SEMA6D: variants seen among roughly 807,000 people sequenced by gnomAD.
SEMA6D encodes semaphorin 6D, also known as semaphorin-6D.
In SEMA6D, 35 loss-of-function variants were observed where a neutral mutation model predicts 106.6. The ratio of observed to expected loss-of-function variants is 0.33; its 90% CI spans 0.25 to 0.44. SEMA6D has a LOEUF of 0.44. Ranked by LOEUF, SEMA6D falls within the 20% of genes least tolerant of loss-of-function variation. The pLI is 1.00. For missense variants in SEMA6D, 1,185 were observed against 1,345.9 expected (o/e 0.88, Z 1.87); for synonymous variants, 499 against 487.7 (o/e 1.02, Z -0.31).
At chr15:47,364,999 A>G (rs1365506326) in intron 1 of SEMA6D, among the ~76,000 whole-genome samples, 1 of 152,216 alleles carries the variant, frequency 6.6e-6, no homozygotes. Context: ...ATCAAGTACA[A>G]GCATCTGAGA....
At chr15:47,483,331 A>G (rs1201956424) in intron 3 of SEMA6D, among the ~76,000 whole-genome samples, 1 of 152,200 alleles carries the variant, frequency 6.6e-6, no homozygotes, top group Non-Finnish European at 1.5e-5. Context: ...AGACTGATCA[A>G]CTTGATTCAC....
At chr15:47,699,432 A>G (rs2078764835) in intron 4 of SEMA6D, among the ~76,000 whole-genome samples, 1 of 152,220 alleles carries the variant, frequency 6.6e-6, no homozygotes, top group African/African-American at 2.4e-5. Context: ...AACAGCTGTT[A>G]AGGAGTGAAG....
intron 1 of SEMA6D, among the ~76,000 whole-genome samples, chr15:47,263,366 T>C (rs550206968): frequency 6.6e-6 from 1 of 151,690 alleles, no homozygotes; most frequent in South Asian, 2.1e-4. Context: ...AAAAACACAA[T>C]CCCATAAATA....
chr15:47,436,444 G>T (rs2041705365), intron 2 of SEMA6D, among the ~76,000 whole-genome samples: 1 of 151,176 alleles, frequency 6.6e-6, no homozygotes, highest in African/African-American at 2.4e-5. Flanking sequence ...TGAGATTTGG[G>T]GTTGTTACCA....
intron 3 of SEMA6D, among the ~76,000 whole-genome samples, chr15:47,534,152 G>A (rs2045073901): frequency 6.6e-6 from 1 of 151,940 alleles, no homozygotes; most frequent in South Asian, 2.1e-4. Context: ...TCTGTCTGTG[G>A]AACACTACTA....
chr15:47,771,846 T>C lies in SEMA6D; in HGVS notation c.*61T>C. 1 of 1,478,152 alleles carries C rather than the reference T, an allele frequency of 6.8e-7. No homozygotes were observed. The highest frequency in any genetic ancestry group is 1.8e-4 in the Middle Eastern group (1 of 5,594). The allele number at this position is 1,478,152 out of a possible 1,614,324, so 91.6% of individuals were successfully genotyped here. A position where few individuals can be genotyped will look rare whatever the true frequency, so the allele number is the denominator to read the frequency against. On this transcript the variant is annotated 3_prime_UTR_variant, in exon 19 of 19. Transcript: ENST00000536845. ...GTCCGTGTTGTTGAGAGGATGATGT[T>C]GTAAGGGTACCTTAAAACAAGAGAC...
intron 1 of SEMA6D, among the ~76,000 whole-genome samples, chr15:47,307,922 CAG>C (rs988475109): frequency 1.3e-5 from 2 of 151,920 alleles, no homozygotes; most frequent in African/African-American, 4.8e-5. Context: ...CTTGTTTGAT[CAG>C]AGTGTATTTT....
chr15:47,769,943 A>T (rs11858518), intron 18 of SEMA6D, among the ~76,000 whole-genome samples: 33,985 of 152,046 alleles, frequency 0.22, 4,384 homozygotes, highest in Middle Eastern at 0.29. Flanking sequence ...ATCCAAGCAA[A>T]CATGAAAGTC....
At chr15:47,649,659 G>A (rs2117800) in intron 4 of SEMA6D, among the ~76,000 whole-genome samples, 1 of 152,166 alleles carries the variant, frequency 6.6e-6, no homozygotes, top group Non-Finnish European at 1.5e-5. Flanking sequence ...TCTAGAAAGA[G>A]AGGGGAGGAG....
At chr15:47,370,710 A>AAAT (rs1567033699) in intron 1 of SEMA6D, among the ~76,000 whole-genome samples, 1 of 138,236 alleles carries the variant, frequency 7.2e-6, no homozygotes, top group Non-Finnish European at 1.5e-5. Context: ...AAAAAAAAAA[A>AAAT]TTTGATGGGT....
At chr15:47,531,989 G>A (rs2044988195) in intron 3 of SEMA6D, among the ~76,000 whole-genome samples, 1 of 152,062 alleles carries the variant, frequency 6.6e-6, no homozygotes, top group Non-Finnish European at 1.5e-5. Context: ...TAATACAATG[G>A]CACCTCTACT....
At chr15:47,403,981 A>G (rs2040478615) in intron 1 of SEMA6D, among the ~76,000 whole-genome samples, 1 of 152,318 alleles carries the variant, frequency 6.6e-6, no homozygotes, top group South Asian at 2.1e-4. Flanking sequence ...CCCAGCTAGA[A>G]TTATGCCTGT....
chr15:47,642,164 C>T (rs1275883266), intron 4 of SEMA6D, among the ~76,000 whole-genome samples: 1 of 152,188 alleles, frequency 6.6e-6, no homozygotes, highest in Non-Finnish European at 1.5e-5. Context: ...ATGGCCATTA[C>T]TTTTTGGTAC....
chr15:47,294,909 C>T (rs74842891), intron 1 of SEMA6D, among the ~76,000 whole-genome samples: 2,021 of 45,462 alleles, frequency 0.044, 25 homozygotes, highest in Non-Finnish European at 0.084. Flanking sequence ...TTTTTCTCTG[C>T]TCAGTCTGGA....
intron 4 of SEMA6D, among the ~76,000 whole-genome samples, chr15:47,662,229 C>A (rs542725965): frequency 3.9e-5 from 6 of 152,242 alleles, no homozygotes; most frequent in African/African-American, 7.2e-5. Context: ...CCTCACCCCC[C>A]ACCCCAACAA....
intron 1 of SEMA6D, among the ~76,000 whole-genome samples, chr15:47,390,295 A>C (rs1480640910): frequency 6.6e-6 from 1 of 152,142 alleles, no homozygotes; most frequent in African/African-American, 2.4e-5. Flanking sequence ...CAACTGTGTG[A>C]GCACATTTTA....
At chr15:47,192,542 A>T (rs941515057) in intron 1 of SEMA6D, among the ~76,000 whole-genome samples, 1 of 152,242 alleles carries the variant, frequency 6.6e-6, no homozygotes, top group African/African-American at 2.4e-5. Context: ...ATCTGCCCAA[A>T]GATGGGAAAA....
chr15:47,704,632 G>A (rs1415432053), intron 4 of SEMA6D, among the ~76,000 whole-genome samples: 1 of 151,990 alleles, frequency 6.6e-6, no homozygotes, highest in East Asian at 1.9e-4. Context: ...GACTGATTGA[G>A]CCCAGGAGCT....
intron 1 of SEMA6D, among the ~76,000 whole-genome samples, chr15:47,359,045 T>C: frequency 6.6e-6 from 1 of 152,054 alleles, no homozygotes; most frequent in East Asian, 1.9e-4. Context: ...AAGTTGATCA[T>C]GTCATGCCCT....
Sources: gnomAD v4.1 joint callset for allele counts (sites outside exome capture counted in the v4.1 genomes callset) on GRCh38, gnomAD v4.1.1 for gene constraint, MANE v1.5 for transcripts, NCBI Gene and HGNC (gene_info 2026-07-23, HGNC 2026-07-21) for gene names.